Variants in AIM2 observed in about 807,000 individuals in gnomAD.
The protein encoded by AIM2 is interferon-inducible protein AIM2.
In AIM2, 30 loss-of-function variants were observed where a neutral mutation model predicts 27.7. That is an observed-to-expected ratio of 1.08 (90% confidence interval 0.81 to 1.47). The LOEUF is 1.47. Ranked by LOEUF, AIM2 falls within the 40% of genes most tolerant of loss-of-function variation. AIM2 has a pLI of 0.00. For missense variants in AIM2, 358 were observed against 411.3 expected (o/e 0.87, Z 1.12); for synonymous variants, 141 against 145.3 (o/e 0.97, Z 0.21).
At chr1:159,080,662 T>C (rs77491501), upstream of AIM2, among the ~76,000 whole-genome samples, 966 of 152,250 alleles carry the variant, frequency 6.3e-3, 12 homozygotes, top group African/African-American at 0.022. Flanking sequence ...GGTTCCTGGG[T>C]GATTCTGATG....
At chr1:159,111,093 T>C (rs931833885) in intron 1 of AIM2, among the ~76,000 whole-genome samples, 2 of 152,144 alleles carry the variant, frequency 1.3e-5, no homozygotes, top group Non-Finnish European at 2.9e-5. Flanking sequence ...AAGAATCTTC[T>C]TCATTAGACA....
At chr1:159,145,250 A>G (rs1648181502), upstream of AIM2, among the ~76,000 whole-genome samples, 1 of 152,160 alleles carries the variant, frequency 6.6e-6, no homozygotes, top group Non-Finnish European at 1.5e-5. Flanking sequence ...GGACATACAT[A>G]CCCACAATGC....
At chr1:159,138,895 G>A (rs897477057) in intron 1 of AIM2, among the ~76,000 whole-genome samples, 4 of 152,164 alleles carry the variant, frequency 2.6e-5, no homozygotes, top group South Asian at 2.1e-4. Flanking sequence ...GAGTCCTACA[G>A]TGAAGTGACT....
At position 159,073,600 on chromosome 1, in the gene AIM2, A is replaced by G. The variant is rs1256114868; in HGVS notation, c.-20-81T>C. 4.4e-6 allele frequency: 6 copies of G among 1,365,182 alleles called. No homozygotes were observed. The Admixed American group carries it at 1.4e-4, about 31-fold the overall frequency. 84.6% of individuals were successfully genotyped at this position (1,365,182 alleles called of 1,614,324 possible). A position where few individuals can be genotyped will look rare whatever the true frequency, so the allele number is the denominator to read the frequency against. On this transcript the variant is annotated intron_variant, in intron 1 of 5. Coordinates refer to ENST00000368130, the MANE Select transcript of AIM2 (RefSeq NM_004833.3). ...AAATAAAGCAAGGTGAGCTATTAAT[A>G]TTTTTTAAAGAAAAATAAAATATTT...
upstream of AIM2, chr1:159,081,615 TC>T: frequency 2.5e-6 from 1 of 397,848 alleles, no homozygotes; most frequent in South Asian, 2.1e-5. Context: ...AAAAATAGCA[TC>T]CAAGGGTCAC....
rs1041415169 is a variant in AIM2, at chr1:159,092,343, G to A, written c.-15-26014C>T. 1.3e-5 allele frequency among the ~76,000 whole-genome samples: 2 copies of A among 152,168 alleles called. 1 individual carries two copies. The highest frequency in any genetic ancestry group is 4.8e-5 in the African/African-American group (2 of 41,424). ...TTATAAATATATATATGCAGCAGGA[G>A]TTTGTAATAGCAGATAACAATTTTA... On this transcript the variant is annotated intron_variant, in intron 1 of 2. Transcript: ENST00000368129.
At chr1:159,116,214 A>G (rs1267213198) in intron 1 of AIM2, among the ~76,000 whole-genome samples, 1 of 152,084 alleles carries the variant, frequency 6.6e-6, no homozygotes, top group Non-Finnish European at 1.5e-5. Context: ...GAGAAATAGG[A>G]ACACTTTTAC....
chr1:159,065,774 C>A, intron 4 of AIM2, 136 bp downstream of exon 4: 1 of 953,690 alleles, frequency 1.0e-6, no homozygotes, highest in South Asian at 2.5e-5. Context: ...GTTTACTCTG[C>A]AGCTCTTTAG....
intron 1 of AIM2, among the ~76,000 whole-genome samples, chr1:159,099,329 T>C (rs1657264390): frequency 6.6e-6 from 1 of 152,156 alleles, no homozygotes; most frequent in African/African-American, 2.4e-5. Flanking sequence ...TGTTCAAATT[T>C]TATTGTTCAG....
chr1:159,058,370 G>C (rs77900719), downstream of AIM2, among the ~76,000 whole-genome samples: 5,504 of 149,292 alleles, frequency 0.037, 366 homozygotes, highest in African/African-American at 0.13. Context: ...AAAAAAAGGA[G>C]TGGGGGATGA....
At chr1:159,062,271 T>C (rs1655862579), downstream of AIM2, among the ~76,000 whole-genome samples, 1 of 152,220 alleles carries the variant, frequency 6.6e-6, no homozygotes, top group African/African-American at 2.4e-5. Flanking sequence ...CATCTTTAAT[T>C]ATTCAGTATC....
chr1:159,107,727 A>G (rs1349443380), intron 1 of AIM2, among the ~76,000 whole-genome samples: 4 of 152,226 alleles, frequency 2.6e-5, no homozygotes, highest in Non-Finnish European at 5.9e-5. Context: ...GAGATATTAC[A>G]ACAGACACCA....
chr1:159,143,900 A>G (rs1446400538), upstream of AIM2, among the ~76,000 whole-genome samples: 1 of 152,182 alleles, frequency 6.6e-6, no homozygotes, highest in Non-Finnish European at 1.5e-5. Context: ...ACCCTGAAAC[A>G]TGTATGGGAG....
intron 1 of AIM2, among the ~76,000 whole-genome samples, chr1:159,090,857 A>T (rs189551249): frequency 3.9e-5 from 6 of 152,326 alleles, no homozygotes; most frequent in African/African-American, 1.4e-4. Context: ...CATTGATGCT[A>T]AAGACTTTCC....
At chr1:159,106,323 C>A (rs570278161) in intron 1 of AIM2, among the ~76,000 whole-genome samples, 1 of 152,240 alleles carries the variant, frequency 6.6e-6, no homozygotes, top group Non-Finnish European at 1.5e-5. Flanking sequence ...GCCTCCCCTG[C>A]TACAGCCAGC....
intron 1 of AIM2, among the ~76,000 whole-genome samples, chr1:159,098,987 C>T (rs998205617): frequency 7.3e-6 from 1 of 137,768 alleles, no homozygotes; most frequent in South Asian, 2.6e-4. Flanking sequence ...CATAGTGGCA[C>T]AAGCTTCATG....
intron 1 of AIM2, among the ~76,000 whole-genome samples, chr1:159,105,027 C>T (rs1657400906): frequency 6.6e-6 from 1 of 152,186 alleles, no homozygotes; most frequent in Non-Finnish European, 1.5e-5. Flanking sequence ...TGGGCTCATT[C>T]CACCCACTCA....
At chr1:159,131,487 T>G (rs1647883793) in intron 1 of AIM2, among the ~76,000 whole-genome samples, 1 of 152,204 alleles carries the variant, frequency 6.6e-6, no homozygotes, top group African/African-American at 2.4e-5. Context: ...AAGAAATTAT[T>G]TAATGAAAAT....
chr1:159,133,746 C>T (rs990309210), intron 1 of AIM2, among the ~76,000 whole-genome samples: 1 of 152,120 alleles, frequency 6.6e-6, no homozygotes, highest in Non-Finnish European at 1.5e-5. Flanking sequence ...TTTTCTTCTA[C>T]CTCTCCCCAC....
Sources: gnomAD v4.1 joint callset for allele counts (sites outside exome capture counted in the v4.1 genomes callset) on GRCh38, gnomAD v4.1.1 for gene constraint, MANE v1.5 for transcripts, NCBI Gene and HGNC (gene_info 2026-07-23, HGNC 2026-07-21) for gene names.